The following FAM83E variants were observed in gnomAD, a reference collection of about 807,000 sequenced individuals.
The protein encoded by FAM83E is protein FAM83E.
A neutral mutation model predicts 34.3 loss-of-function variants in FAM83E; 29 were observed. That is an observed-to-expected ratio of 0.85 (90% CI 0.63 to 1.15). The LOEUF (loss-of-function observed/expected upper bound fraction) is 1.15, where lower values mean the gene tolerates loss of function less well. Among genes scored for constraint, FAM83E ranks in the 50% most tolerant of loss-of-function variants. The pLI is 0.00. For synonymous variants in FAM83E, 312 were observed against 311.6 expected, an observed-to-expected ratio of 1.00 and a Z score of -0.01; for missense variants, 697 against 685.0, an observed-to-expected ratio of 1.02 and a Z score of -0.20.
rs756407557 is a variant in FAM83E at position 48,610,660 on chromosome 19, C to A, written c.633+20G>T. 4 of 1,551,386 alleles carry A rather than the reference C, an allele frequency of 2.6e-6. No individual in the cohort carries two copies. The highest frequency in any genetic ancestry group is 1.2e-5 in the South Asian group (1 of 83,980). Reference sequence around the variant, plus strand: ...GCCAGGGGAATGGGGACTCACAGGACCCCCTGGCCCGGCCCCTACCTCCGT... The same window carrying A: ...GCCAGGGGAATGGGGACTCACAGGAACCCCTGGCCCGGCCCCTACCTCCGT... On this transcript the variant is annotated intron_variant, in intron 4 of 6. Transcript: ENST00000263266.
In FAM83E at chr19:48,600,044, C is replaced by A. The variant is rs917293344; in HGVS notation, c.*1065G>T. Among the ~76,000 whole-genome samples, 4 of 152,164 alleles carry A rather than the reference C, an allele frequency of 2.6e-5. No homozygotes were observed. The highest frequency in any genetic ancestry group is 9.7e-5 in the African/African-American group (4 of 41,436). On this transcript the variant is annotated 3_prime_UTR_variant, in exon 7 of 7. Transcript: ENST00000263266. ...GCCCTCTCAGCGCCCACAGAAAGTC[C>A]CACCACCCACCCTGTTCCCCTGTGG...
At chr19:48,614,686 C>G (rs1974113645) in intron 2 of FAM83E, 22 bp downstream of exon 2, 1 of 649,300 alleles carries the variant, frequency 1.5e-6, no homozygotes, top group Non-Finnish European at 1.9e-6. Context: ...CCTCACCCAT[C>G]CCCCCCATCG....
chr19:48,602,384 G>A (rs1973833569), intron 6 of FAM83E, among the ~76,000 whole-genome samples: 1 of 151,286 alleles, frequency 6.6e-6, no homozygotes, highest in South Asian at 2.1e-4. Context: ...ACGGTGTGGG[G>A]AGCCCGAGAG....
chr19:48,613,153 A>G lies in FAM83E; in HGVS notation c.220T>C (p.Trp74Arg). Residue 74 changes from tryptophan to arginine, a missense_variant, in exon 3 of 7, where the codon TGG (tryptophan) becomes CGG (arginine). Physicochemically the swap from Trp to Arg is moderately radical, Grantham distance 101 (BLOSUM62 -3). Coordinates refer to ENST00000263266, the MANE Select transcript of FAM83E (RefSeq NM_017708.4). ...CTGGGCTCCTGCTTGGCCACTGTCC[A>G]GTCTTCAGCTGCCGCTGCCAAGCCC... is the stretch of plus-strand genomic sequence containing the variant. Reference protein sequence around the residue: ...VQGLAAAAEDWTVAKQEPSGM... With the variant: ...VQGLAAAAEDRTVAKQEPSGM... The G allele has an allele frequency of 6.2e-7, 1 of 1,612,068 alleles. No individual in the cohort carries two copies. The highest frequency in any genetic ancestry group is 8.5e-7 in the Non-Finnish European group (1 of 1,179,880).
intron 5 of FAM83E, among the ~76,000 whole-genome samples, chr19:48,609,182 C>T (rs937980252): frequency 3.3e-5 from 5 of 151,788 alleles, no homozygotes; most frequent in African/African-American, 1.2e-4. Flanking sequence ...GCCGTCTGGT[C>T]CCAGAGGCCA....
chr19:48,609,864 C>T lies in FAM83E; in HGVS notation c.758+12G>A, dbSNP rs1000583118. The T allele has an allele frequency of 1.9e-5, 30 of 1,577,340 alleles. No individual in the cohort carries two copies. The highest frequency in any genetic ancestry group is 2.4e-5 in the Non-Finnish European group (28 of 1,153,010). Reference sequence around the variant, plus strand: ...GGACGCCGGGAGGTGGGGGGCGGGGCGGGGGCTACACCTGTAGGATCCTGA... The same window carrying T: ...GGACGCCGGGAGGTGGGGGGCGGGGTGGGGGCTACACCTGTAGGATCCTGA... On this transcript the variant is annotated intron_variant, in intron 5 of 6. Transcript: ENST00000263266.
chr19:48,611,310 A>G (rs1974038528), intron 3 of FAM83E, among the ~76,000 whole-genome samples: 1 of 151,662 alleles, frequency 6.6e-6, no homozygotes, highest in Non-Finnish European at 1.5e-5. Flanking sequence ...CTGGGACTAC[A>G]GGCGCCCACC....
rs1001497361 is a variant in FAM83E, at chr19:48,614,451, T to G, written c.-1079A>C. On this transcript the variant is annotated 5_prime_UTR_variant, in exon 3 of 7. Transcript: ENST00000263266. ...CTCCTGCCAGCTACCCGGACGCTTCTTCCCGGACAGGGGCCAGTCTCTATC... is the reference window on the plus strand; with the variant it reads ...CTCCTGCCAGCTACCCGGACGCTTCGTCCCGGACAGGGGCCAGTCTCTATC... The G allele has an allele frequency of 1.0e-6, 1 of 985,500 alleles. No homozygotes were observed. Among genetic ancestry groups the G allele is most frequent in the Admixed American group, 6.1e-5 (1 of 16,266 alleles). 61.0% of individuals were successfully genotyped at this position (985,500 alleles called of 1,614,324 possible). A position where few individuals can be genotyped will look rare whatever the true frequency, so the allele number is the denominator to read the frequency against.
intron 5 of FAM83E, among the ~76,000 whole-genome samples, chr19:48,604,150 T>C (rs1973885032): frequency 6.6e-6 from 1 of 151,794 alleles, no homozygotes; most frequent in African/African-American, 2.4e-5. Context: ...ACTCACACTT[T>C]GGGAGGCTGA....
chr19:48,606,225 C>A (rs1419883824), intron 5 of FAM83E, among the ~76,000 whole-genome samples: 1 of 152,138 alleles, frequency 6.6e-6, no homozygotes, highest in Non-Finnish European at 1.5e-5. Context: ...TTACGAGAAT[C>A]GCTTGAAGCT....
At chr19:48,607,668 TA>T (rs1190384649) in intron 5 of FAM83E, 19 of 349,154 alleles carry the variant, frequency 5.4e-5, no homozygotes, top group Non-Finnish European at 7.5e-5. Flanking sequence ...TGAAATATGG[TA>T]AAAAATATAT....
intron 6 of FAM83E, among the ~76,000 whole-genome samples, chr19:48,602,617 G>A (rs1411277519): frequency 7.0e-6 from 1 of 142,952 alleles, no homozygotes; most frequent in African/African-American, 2.6e-5. Context: ...CCAGCTAGGA[G>A]CCTTCCTTGC....
intron 5 of FAM83E, among the ~76,000 whole-genome samples, chr19:48,606,109 G>C (rs1004333733): frequency 1.3e-5 from 2 of 151,794 alleles, no homozygotes; most frequent in South Asian, 4.2e-4. Flanking sequence ...TCAAGAGTTC[G>C]CAACCAGCCT....
In FAM83E at chr19:48,613,021, C is replaced by T; in HGVS notation, c.352G>A (p.Val118Met). The change falls in exon 3 of 7, where the codon GTG becomes ATG. Residue 118 changes from valine to methionine, a missense_variant. Physicochemically the swap from Val to Met is conservative, Grantham distance 21. Transcript: ENST00000263266. ...GTGATGCCTTTCCACGCAGAGTCCA[C>T]TGGCCAGCCCAGCCGCAGGACGGGC... is the stretch of plus-strand genomic sequence containing the variant. ...PAPVLRLGWP[V>M]DSAWKGITRA... 6.2e-7 allele frequency: 1 copy of T among 1,603,206 alleles called. No homozygotes were observed. The highest frequency in any genetic ancestry group is 1.1e-5 in the South Asian group (1 of 89,678).
rs554751134 is a variant in FAM83E at position 48,609,162 on chromosome 19, T to C, written c.758+714A>G. Among the ~76,000 whole-genome samples the C allele has an allele frequency of 5.3e-5, 8 of 151,988 alleles. No homozygotes were observed. In the East Asian group the frequency reaches 1.2e-3, roughly 22 times the overall value. On this transcript the variant is annotated intron_variant, in intron 5 of 6. Transcript: ENST00000263266. The stretch of plus-strand genomic sequence containing the variant: ...AACGAGGAACTGAGAGAGCTAGAAT[T>C]TGAATCCAGGCCGTCTGGTCCCAGA...
At chr19:48,607,477 C>A in intron 5 of FAM83E, 1 of 1,304,098 alleles carries the variant, frequency 7.7e-7, no homozygotes, top group Non-Finnish European at 1.0e-6. Context: ...TGGCTTCATC[C>A]CTTCTAAGGC....
At position 48,613,375 on chromosome 19, in the gene FAM83E, G is replaced by A. The variant is rs1208625000; in HGVS notation, c.-3C>T. On this transcript the variant is annotated 5_prime_UTR_variant, in exon 3 of 7. Coordinates refer to ENST00000263266, the MANE Select transcript of FAM83E (RefSeq NM_017708.4). Reference sequence around the variant, plus strand: ...GCCGCCAGCTGGGAGGCCGCCATCGGGGTCACTCGGGTGGGAGGACTGACT... The same window carrying A: ...GCCGCCAGCTGGGAGGCCGCCATCGAGGTCACTCGGGTGGGAGGACTGACT... 4 of 1,542,192 alleles carry A rather than the reference G, an allele frequency of 2.6e-6. No homozygotes were observed. The highest frequency in any genetic ancestry group is 1.9e-5 in the Admixed American group (1 of 52,536).
At position 48,612,946 on chromosome 19, in the gene FAM83E, T is replaced by G. The variant is rs1974071957; in HGVS notation, c.427A>C (p.Lys143Gln). 2 of 1,586,252 alleles carry G rather than the reference T, an allele frequency of 1.3e-6. No individual in the cohort carries two copies. Among genetic ancestry groups the G allele is most frequent in the Non-Finnish European group, 8.6e-7 (1 of 1,166,166 alleles). The change falls in exon 3 of 7, where the codon AAG (lysine) becomes CAG (glutamine). Residue 143 changes from lysine to glutamine, a missense_variant. Physicochemically the swap from Lys to Gln is moderately conservative, Grantham distance 53 (BLOSUM62 1). Transcript: ENST00000263266. ...QPPGEGQPPL[K>Q]ELVRLEIQAA... ...TGGATCTCCAGCCGCACCAGCTCCT[T>G]GAGGGGCGGCTGACCCTCTCCAGGA...
chr19:48,603,823 T>C lies in FAM83E; in HGVS notation c.847A>G (p.Thr283Ala), dbSNP rs1232260465. 1.2e-6 allele frequency: 2 copies of C among 1,607,436 alleles called. No homozygotes were observed. Among genetic ancestry groups the C allele is most frequent in the Admixed American group, 1.7e-5 (1 of 59,300 alleles). Residue 283 changes from threonine to alanine, a missense_variant, in exon 6 of 7, where the codon ACG becomes GCG. Physicochemically the swap from Thr to Ala is moderately conservative, Grantham distance 58. Transcript: ENST00000263266. ...AGCGGGCAGGAGGCCGCGTACAGCG[T>C]CCGGAACTCAAGGCTGAAGGCGTCA... ...IVDAFSLEFR[T>A]LYAASCPLPP...
Sources: gnomAD v4.1 joint callset for allele counts (sites outside exome capture counted in the v4.1 genomes callset) on GRCh38, gnomAD v4.1.1 for gene constraint, MANE v1.5 for transcripts, NCBI Gene and HGNC (gene_info 2026-07-23, HGNC 2026-07-21) for gene names.